The following AFDN variants were observed in gnomAD, a reference collection of about 807,000 sequenced individuals.
The protein encoded by AFDN is afadin.
AFDN carries 68 observed loss-of-function variants against 216.6 expected under a neutral mutation model. The observed-to-expected ratio is 0.31, with a 90% CI of 0.26 to 0.38. The LOEUF is 0.38. AFDN is among the 10% of genes least tolerant of loss of function. The pLI is 1.00. For synonymous variants in AFDN, 868 were observed against 853.7 expected, an observed-to-expected ratio of 1.02 and a Z score of -0.29; for missense variants, 2,136 against 2,342.0, an observed-to-expected ratio of 0.91 and a Z score of 1.82.
intron 1 of AFDN, among the ~76,000 whole-genome samples, chr6:167,849,891 G>A (rs748541829): frequency 4.6e-5 from 7 of 152,284 alleles, no homozygotes; most frequent in South Asian, 4.1e-4. Flanking sequence ...GGTTCCTTTT[G>A]TAAGTTACTA....
chr6:167,953,111 G>A (rs1369886355), intron 30 of AFDN, among the ~76,000 whole-genome samples: 1 of 152,074 alleles, frequency 6.6e-6, no homozygotes, highest in African/African-American at 2.4e-5. Context: ...GTGTTCATGA[G>A]TTTTAGTGAT....
Sources: allele counts gnomAD v4.1 joint callset (sites outside exome capture counted in the v4.1 genomes callset), GRCh38; gene constraint gnomAD v4.1.1; transcripts MANE v1.5; gene names NCBI Gene and HGNC (gene_info 2026-07-23, HGNC 2026-07-21).